PTPRD: variants seen among roughly 807,000 people sequenced by gnomAD.
PTPRD encodes the protein receptor-type tyrosine-protein phosphatase delta.
Under a neutral mutation model 214.5 loss-of-function variants are expected in PTPRD, and 34 were observed. That is an observed-to-expected ratio of 0.16 (90% confidence interval 0.12 to 0.21). PTPRD has a LOEUF of 0.21. Ranked by LOEUF, PTPRD falls within the 10% of genes least tolerant of loss-of-function variation. The probability of loss-of-function intolerance (pLI) is 1.00; values close to 1 mark genes in which losing one functional copy is unlikely to be tolerated. For missense variants in PTPRD, 2,545 were observed against 2,398.7 expected (o/e 1.06, Z -1.27); for synonymous variants, 1,128 against 845.7 (o/e 1.33, Z -5.79).
Position 9,796,404 on chromosome 9 carries a change from G to A in PTPRD, c.-367-29553C>T, listed in dbSNP as rs1479938178. Among the ~76,000 whole-genome samples, 7 of 152,100 alleles carry A rather than the reference G, an allele frequency of 4.6e-5. No individual in the cohort carries two copies. The East Asian group carries it at 5.8e-4, about 13-fold the overall frequency. On this transcript the variant is annotated intron_variant, in intron 5 of 45. Transcript: ENST00000381196. The stretch of plus-strand genomic sequence containing the variant: ...CTGTCTGAGGAATCAATGAAATTAC[G>A]GGAAGAAATATCCGGGAGGAGGTTG...
intron 2 of PTPRD, among the ~76,000 whole-genome samples, chr9:10,364,177 A>AT (rs1356156858): frequency 2.0e-5 from 3 of 150,376 alleles, no homozygotes; most frequent in African/African-American, 7.3e-5. Flanking sequence ...TTTTTTTTGT[A>AT]TTTTTAGTAG....
intron 3 of PTPRD, among the ~76,000 whole-genome samples, chr9:10,055,317 G>A (rs1381125280): frequency 6.6e-6 from 1 of 152,070 alleles, no homozygotes; most frequent in Admixed American, 6.6e-5. Flanking sequence ...AAGTAATGGA[G>A]TTTACAAAGA....
At chr9:8,928,327 T>C (rs549145140) in intron 11 of PTPRD, among the ~76,000 whole-genome samples, 1 of 152,336 alleles carries the variant, frequency 6.6e-6, no homozygotes, top group Non-Finnish European at 1.5e-5. Context: ...AGGGTTTTTA[T>C]GGTTTTAGGT....
At chr9:9,402,638 A>G (rs775231626) in intron 8 of PTPRD, among the ~76,000 whole-genome samples, 2 of 152,076 alleles carry the variant, frequency 1.3e-5, no homozygotes, top group Non-Finnish European at 2.9e-5. Flanking sequence ...GAAATACCAA[A>G]ACATTGAGAT....
intron 10 of PTPRD, among the ~76,000 whole-genome samples, chr9:9,056,142 T>C (rs1030205988): frequency 5.3e-5 from 8 of 152,188 alleles, no homozygotes. Context: ...GACCTCAGTA[T>C]TTAGAACAAT....
chr9:8,755,145 G>A (rs1190354555), intron 11 of PTPRD, among the ~76,000 whole-genome samples: 1 of 150,974 alleles, frequency 6.6e-6, no homozygotes, highest in Non-Finnish European at 1.5e-5. Context: ...AAACTGTTTT[G>A]CTAAACATAT....
intron 11 of PTPRD, among the ~76,000 whole-genome samples, chr9:8,869,467 C>T (rs2098255874): frequency 6.6e-6 from 1 of 152,078 alleles, no homozygotes; most frequent in Non-Finnish European, 1.5e-5. Context: ...TTGTAAGTGG[C>T]AAAACACTGA....
intron 3 of PTPRD, among the ~76,000 whole-genome samples, chr9:10,330,966 T>C (rs548519492): frequency 3.3e-5 from 5 of 151,820 alleles, no homozygotes; most frequent in Admixed American, 2.6e-4. Flanking sequence ...AGTTTATCTT[T>C]ATGGGTCCCA....
At chr9:10,477,184 A>G (rs1041466164) in intron 2 of PTPRD, among the ~76,000 whole-genome samples, 4 of 152,174 alleles carry the variant, frequency 2.6e-5, no homozygotes, top group African/African-American at 9.7e-5. Flanking sequence ...CTATCATCAG[A>G]GTGAACAGGC....
chr9:9,008,922 T>C (rs1400299034), intron 11 of PTPRD, among the ~76,000 whole-genome samples: 1 of 152,140 alleles, frequency 6.6e-6, no homozygotes, highest in Non-Finnish European at 1.5e-5. Flanking sequence ...TTTTATATCA[T>C]TGAGCTTGTT....
chr9:9,571,049 G>C (rs1030314298), intron 8 of PTPRD, among the ~76,000 whole-genome samples: 3 of 151,304 alleles, frequency 2.0e-5, no homozygotes, highest in African/African-American at 7.3e-5. Context: ...ACATGGCTTA[G>C]ACTAAGGACC....
intron 9 of PTPRD, among the ~76,000 whole-genome samples, chr9:9,193,953 T>C (rs2099936768): frequency 6.6e-6 from 1 of 152,184 alleles, no homozygotes; most frequent in Non-Finnish European, 1.5e-5. Flanking sequence ...GGCTCTTCTG[T>C]AATAACAGCT....
At chr9:10,407,666 A>T (rs2154502741) in intron 2 of PTPRD, among the ~76,000 whole-genome samples, 1 of 151,622 alleles carries the variant, frequency 6.6e-6, no homozygotes, top group East Asian at 2.0e-4. Flanking sequence ...TTTACTGATG[A>T]TAGGGTTTCT....
intron 5 of PTPRD, among the ~76,000 whole-genome samples, chr9:9,927,813 C>T (rs933266162): frequency 6.6e-6 from 1 of 152,008 alleles, no homozygotes; most frequent in Non-Finnish European, 1.5e-5. Context: ...CAATTTCATT[C>T]TTCTAGCCCT....
intron 2 of PTPRD, among the ~76,000 whole-genome samples, chr9:10,553,811 T>C (rs1160588444): frequency 6.6e-6 from 1 of 152,310 alleles, no homozygotes; most frequent in African/African-American, 2.4e-5. Context: ...TTACACAAAT[T>C]AGTCAATGAA....
chr9:10,103,826 A>C (rs1037990377), intron 3 of PTPRD, among the ~76,000 whole-genome samples: 1 of 151,690 alleles, frequency 6.6e-6, no homozygotes, highest in Non-Finnish European at 1.5e-5. Context: ...GAATTTAGAA[A>C]AATTAAAAGT....
intron 9 of PTPRD, among the ~76,000 whole-genome samples, chr9:9,275,136 A>ATAAT (rs1555159651): frequency 7.8e-5 from 4 of 51,260 alleles, no homozygotes; most frequent in African/African-American, 3.3e-4. Flanking sequence ...TATTATATAT[A>ATAAT]ATATATATAT....
chr9:8,941,530 T>C (rs1358803483), intron 11 of PTPRD, among the ~76,000 whole-genome samples: 3 of 152,194 alleles, frequency 2.0e-5, no homozygotes, highest in Non-Finnish European at 1.5e-5. Flanking sequence ...CCTCACTTAA[T>C]AGCCTACTTT....
At chr9:9,015,362 C>T (rs923762281) in intron 11 of PTPRD, among the ~76,000 whole-genome samples, 2 of 152,104 alleles carry the variant, frequency 1.3e-5, no homozygotes, top group Non-Finnish European at 2.9e-5. Flanking sequence ...ACCAAGATGG[C>T]CACAAGAGTG....
Sources: gnomAD v4.1 joint callset for allele counts (sites outside exome capture counted in the v4.1 genomes callset) on GRCh38, gnomAD v4.1.1 for gene constraint, MANE v1.5 for transcripts, NCBI Gene and HGNC (gene_info 2026-07-23, HGNC 2026-07-21) for gene names.